Variants in BRINP1 observed in about 807,000 individuals in gnomAD.
BRINP1 encodes BMP/retinoic acid-inducible neural-specific protein 1.
BRINP1 carries 17 observed loss-of-function variants against 72.9 expected under a neutral mutation model. That is an observed-to-expected ratio of 0.23 (90% confidence interval 0.16 to 0.35). The LOEUF is 0.35. Among genes scored for constraint, BRINP1 ranks in the 10% least tolerant of loss-of-function variants. The pLI is 1.00. For synonymous variants in BRINP1, 418 were observed against 378.5 expected, an observed-to-expected ratio of 1.10 and a Z score of -1.21; for missense variants, 850 against 1,001.6, an observed-to-expected ratio of 0.85 and a Z score of 2.04.
intron 7 of BRINP1, among the ~76,000 whole-genome samples, chr9:119,204,128 C>T (rs1446214314): frequency 6.6e-6 from 1 of 152,142 alleles, no homozygotes; most frequent in Non-Finnish European, 1.5e-5. Flanking sequence ...CCCAGCTGAG[C>T]CCCCAGCTGA....
chr9:119,342,626 C>T (rs1831416356), intron 1 of BRINP1, among the ~76,000 whole-genome samples: 1 of 152,202 alleles, frequency 6.6e-6, no homozygotes, highest in Non-Finnish European at 1.5e-5. Context: ...ACCTGGCAGA[C>T]CTCTAGACAC....
intron 1 of BRINP1, among the ~76,000 whole-genome samples, chr9:119,320,978 T>G (rs984196667): frequency 6.6e-6 from 1 of 152,054 alleles, no homozygotes; most frequent in Non-Finnish European, 1.5e-5. Flanking sequence ...TCGCCCAGGC[T>G]GGAGTGCAGT....
chr9:119,230,617 A>G (rs1189124143), intron 5 of BRINP1, among the ~76,000 whole-genome samples: 5 of 151,986 alleles, frequency 3.3e-5, no homozygotes, highest in Non-Finnish European at 7.4e-5. Flanking sequence ...GTCCGGGTGC[A>G]TGAGTGATAG....
At chr9:119,317,666 A>G (rs1196523598) in intron 1 of BRINP1, among the ~76,000 whole-genome samples, 1 of 152,172 alleles carries the variant, frequency 6.6e-6, no homozygotes, top group African/African-American at 2.4e-5. Context: ...ACATTCTACA[A>G]AATTATTTCA....
intron 7 of BRINP1, among the ~76,000 whole-genome samples, chr9:119,176,752 ACT>A (rs1829494608): frequency 6.6e-6 from 1 of 152,046 alleles, no homozygotes; most frequent in African/African-American, 2.4e-5. Flanking sequence ...GTATTGAGAC[ACT>A]CTCGGGGATT....
chr9:119,285,166 A>C (rs1162142287), intron 2 of BRINP1, among the ~76,000 whole-genome samples: 1 of 148,082 alleles, frequency 6.8e-6, no homozygotes, highest in Non-Finnish European at 1.5e-5. Context: ...TGGACTGGCC[A>C]CTCCTTCGCA....
At chr9:119,291,921 T>C (rs1226981971) in intron 2 of BRINP1, among the ~76,000 whole-genome samples, 6 of 152,208 alleles carry the variant, frequency 3.9e-5, no homozygotes, top group African/African-American at 1.4e-4. Context: ...CCCTGAAGCA[T>C]GGTGAGTTGG....
At chr9:119,333,414 G>A (rs1265062776) in intron 1 of BRINP1, among the ~76,000 whole-genome samples, 8 of 139,506 alleles carry the variant, frequency 5.7e-5, no homozygotes, top group Admixed American at 2.3e-4. Flanking sequence ...AGTGAGCCAA[G>A]ATCGTGCCAC....
intron 7 of BRINP1, among the ~76,000 whole-genome samples, chr9:119,194,939 A>G (rs1829720441): frequency 6.6e-6 from 1 of 152,238 alleles, no homozygotes; most frequent in African/African-American, 2.4e-5. Flanking sequence ...AATTTGCTAC[A>G]TAATAAAAAT....
At chr9:119,367,243 TCTTCCTAGA>T (rs1831704719) in intron 1 of BRINP1, among the ~76,000 whole-genome samples, 18 of 141,576 alleles carry the variant, frequency 1.3e-4, no homozygotes, top group East Asian at 9.3e-4. Context: ...TATATATATA[TCTTCCTAGA>T]ATATATGTGT....
chr9:119,298,091 C>T (rs999512129), intron 2 of BRINP1, among the ~76,000 whole-genome samples: 5 of 152,194 alleles, frequency 3.3e-5, no homozygotes, highest in African/African-American at 9.6e-5. Flanking sequence ...TCTAACAGTC[C>T]GTCTCCAATA....
At chr9:119,171,008 T>G (rs1171589872) in intron 7 of BRINP1, among the ~76,000 whole-genome samples, 2 of 144,820 alleles carry the variant, frequency 1.4e-5, no homozygotes, top group African/African-American at 2.8e-5. Context: ...GAACAACCGG[T>G]ACCAGCCGCT....
At chr9:119,355,076 T>A (rs936316823) in intron 1 of BRINP1, among the ~76,000 whole-genome samples, 1 of 151,984 alleles carries the variant, frequency 6.6e-6, no homozygotes, top group African/African-American at 2.4e-5. Context: ...TGCTCACTGA[T>A]CCCCCATATC....
intron 7 of BRINP1, among the ~76,000 whole-genome samples, chr9:119,176,194 G>A (rs1210477435): frequency 6.6e-6 from 1 of 152,180 alleles, no homozygotes; most frequent in Non-Finnish European, 1.5e-5. Flanking sequence ...AACAATCAGA[G>A]TAGTCTCCTG....
At chr9:119,268,765 C>T (rs542629951) in intron 2 of BRINP1, among the ~76,000 whole-genome samples, 16 of 152,262 alleles carry the variant, frequency 1.1e-4, no homozygotes, top group African/African-American at 2.9e-4. Context: ...CGGCTCATCA[C>T]AAAAACCTAT....
chr9:119,346,437 A>G (rs1162051922), intron 1 of BRINP1, among the ~76,000 whole-genome samples: 1 of 152,198 alleles, frequency 6.6e-6, no homozygotes, highest in Non-Finnish European at 1.5e-5. Context: ...AGACACTGCA[A>G]TCACCGTTAC....
At chr9:119,264,166 G>C (rs956209763) in intron 2 of BRINP1, among the ~76,000 whole-genome samples, 1 of 152,194 alleles carries the variant, frequency 6.6e-6, no homozygotes, top group African/African-American at 2.4e-5. Flanking sequence ...ATCCTCAGAA[G>C]TGAGGAATTT....
intron 2 of BRINP1, among the ~76,000 whole-genome samples, chr9:119,296,550 GAGCT>G (rs1564241477): frequency 6.6e-6 from 1 of 152,130 alleles, no homozygotes; most frequent in Non-Finnish European, 1.5e-5. Context: ...GTATGTTGAA[GAGCT>G]ATCTGCATTC....
intron 2 of BRINP1, among the ~76,000 whole-genome samples, chr9:119,286,188 T>C (rs769559430): frequency 1.4e-4 from 22 of 152,132 alleles, no homozygotes; most frequent in Non-Finnish European, 2.6e-4. Context: ...GAACAATATA[T>C]GATCTGCATA....
Sources: allele counts gnomAD v4.1 joint callset (sites outside exome capture counted in the v4.1 genomes callset), GRCh38; gene constraint gnomAD v4.1.1; transcripts MANE v1.5; gene names NCBI Gene and HGNC (gene_info 2026-07-23, HGNC 2026-07-21).